The following CDC42BPA variants were observed in gnomAD, a reference collection of about 807,000 sequenced individuals.
CDC42BPA encodes serine/threonine-protein kinase MRCK alpha.
Under a neutral mutation model 223.5 loss-of-function variants are expected in CDC42BPA, and 80 were observed. The ratio of observed to expected loss-of-function variants is 0.36; its 90% CI spans 0.30 to 0.43. The LOEUF (loss-of-function observed/expected upper bound fraction) is 0.43, where lower values mean the gene tolerates loss of function less well. Ranked by LOEUF, CDC42BPA falls within the 20% of genes least tolerant of loss-of-function variation. The probability of loss-of-function intolerance (pLI) is 1.00; values close to 1 mark genes in which losing one functional copy is unlikely to be tolerated. For missense variants in CDC42BPA, 1,743 were observed against 2,099.9 expected (o/e 0.83, Z 3.32); for synonymous variants, 694 against 718.6 (o/e 0.97, Z 0.55).
chr1:227,217,616 A>G lies in CDC42BPA; in HGVS notation c.271-4397T>C, dbSNP rs73094360. Among the ~76,000 whole-genome samples the G allele has an allele frequency of 9.1e-3, 1,385 of 152,066 alleles. 24 individuals carry two copies. Among genetic ancestry groups the G allele is most frequent in the African/African-American group, 0.032 (1,320 of 41,464 alleles). On this transcript the variant is annotated intron_variant, in intron 2 of 36. Coordinates refer to ENST00000366766, the MANE Select transcript of CDC42BPA (RefSeq NM_001394014.1). The stretch of plus-strand genomic sequence containing the variant: ...ACACTCCTCTGCTCCACAGCTTCCA[A>G]TGGTTTCCCATCTGTCTCCAAGTAA...
intron 1 of CDC42BPA, among the ~76,000 whole-genome samples, chr1:227,308,840 C>G (rs1693022691): frequency 6.6e-6 from 1 of 152,026 alleles, no homozygotes; most frequent in Admixed American, 6.5e-5. Context: ...ATGAATAGAC[C>G]AAATTAAACA....
At chr1:227,036,709 GT>G (rs34150971) in intron 24 of CDC42BPA, among the ~76,000 whole-genome samples, 23,476 of 152,116 alleles carry the variant, frequency 0.15, 2,195 homozygotes, top group African/African-American at 0.25. Flanking sequence ...GATTACAGGC[GT>G]TGAGCCACCG....
chr1:227,287,125 T>G (rs1331679526), intron 1 of CDC42BPA, among the ~76,000 whole-genome samples: 1 of 152,222 alleles, frequency 6.6e-6, no homozygotes, highest in Non-Finnish European at 1.5e-5. Context: ...CAATGCTTGC[T>G]GATAAAAGTC....
At chr1:227,116,943 G>A (rs2149420062) in intron 12 of CDC42BPA, among the ~76,000 whole-genome samples, 1 of 152,262 alleles carries the variant, frequency 6.6e-6, no homozygotes, top group Non-Finnish European at 1.5e-5. Flanking sequence ...ATTCCAAAGG[G>A]TTAGAGAAAG....
At chr1:227,000,850 A>T (rs1020333855) in intron 35 of CDC42BPA, among the ~76,000 whole-genome samples, 17 of 151,058 alleles carry the variant, frequency 1.1e-4, no homozygotes, top group African/African-American at 3.6e-4. Flanking sequence ...GGCTGTTTTG[A>T]TTGAACAGCA....
intron 1 of CDC42BPA, among the ~76,000 whole-genome samples, chr1:227,283,767 A>AT (rs1688377098): frequency 2.0e-5 from 3 of 152,154 alleles, no homozygotes; most frequent in Admixed American, 2.0e-4. Flanking sequence ...TTGCATCTAA[A>AT]TTTTTTGTTA....
chr1:227,275,908 A>G (rs1431120913), intron 1 of CDC42BPA, among the ~76,000 whole-genome samples: 1 of 151,992 alleles, frequency 6.6e-6, no homozygotes, highest in Non-Finnish European at 1.5e-5. Flanking sequence ...TCAGTGCTCA[A>G]TGTTGCCCAG....
chr1:227,211,807 T>C (rs1450272413), intron 3 of CDC42BPA, among the ~76,000 whole-genome samples: 2 of 152,088 alleles, frequency 1.3e-5, no homozygotes, highest in African/African-American at 2.4e-5. Flanking sequence ...AAGTTGCCTA[T>C]TGGGTCCAAT....
chr1:227,093,288 C>T (rs1281993140), intron 15 of CDC42BPA, among the ~76,000 whole-genome samples: 2 of 152,304 alleles, frequency 1.3e-5, no homozygotes, highest in African/African-American at 4.8e-5. Context: ...CTCAGTGCAT[C>T]CCATCAGAAG....
chr1:227,042,297 G>GAGATATATAT lies in CDC42BPA; in HGVS notation c.3094-2062_3094-2061insATATATATCT, dbSNP rs922408596. ...TCCCGAATTGCACATATACATATAT[G>GAGATATATAT]ATATATATATATATATATCATACAC... On this transcript the variant is annotated intron_variant, in intron 23 of 36. Coordinates refer to ENST00000366766, the MANE Select transcript of CDC42BPA (RefSeq NM_001394014.1). Among the ~76,000 whole-genome samples, 695 of 147,700 alleles carry GAGATATATAT rather than the reference G, an allele frequency of 4.7e-3. 14 individuals carry two copies. Among genetic ancestry groups the GAGATATATAT allele is most frequent in the African/African-American group, 0.017 (669 of 38,706 alleles).
chr1:227,250,605 T>C (rs1188932032), intron 2 of CDC42BPA, among the ~76,000 whole-genome samples: 1 of 152,134 alleles, frequency 6.6e-6, no homozygotes, highest in Non-Finnish European at 1.5e-5. Flanking sequence ...TATATGTGTG[T>C]ATATTTTTTG....
intron 6 of CDC42BPA, among the ~76,000 whole-genome samples, chr1:227,159,968 T>A (rs1314084027): frequency 4.0e-5 from 6 of 151,778 alleles, no homozygotes; most frequent in Non-Finnish European, 8.8e-5. Flanking sequence ...CTCAGACTCC[T>A]CAGTAGCTGG....
In CDC42BPA at chr1:227,249,783, A is replaced by G. The variant is rs144000425; in HGVS notation, c.270+4281T>C. Among the ~76,000 whole-genome samples, 686 of 152,348 alleles carry G rather than the reference A, an allele frequency of 4.5e-3. 5 individuals carry two copies. The highest frequency in any genetic ancestry group is 0.016 in the African/African-American group (661 of 41,586). On this transcript the variant is annotated intron_variant, in intron 2 of 36. Coordinates refer to ENST00000366766, the MANE Select transcript of CDC42BPA (RefSeq NM_001394014.1). The stretch of plus-strand genomic sequence containing the variant: ...ACCCCAGTTAAAATGACTTTTATCC[A>G]TAAGGCAGGCAATAACAAATGCTGG...
In CDC42BPA at chr1:227,139,800, CGTT is replaced by C. The variant is rs767715217; in HGVS notation, c.1224-61_1224-59del. ...CTGTGATAAAAAGCTTGAAGAAAAA[CGTT>C]AACATTTTTTAAAAATTGTTTTTAA... On this transcript the variant is annotated intron_variant, in intron 9 of 36. Coordinates refer to ENST00000366766, the MANE Select transcript of CDC42BPA (RefSeq NM_001394014.1). 761 of 1,143,234 alleles carry C rather than the reference CGTT, an allele frequency of 6.7e-4. 1 individual carries two copies. Among genetic ancestry groups the C allele is most frequent in the Admixed American group, 1.1e-3 (36 of 34,126 alleles). 70.8% of individuals were successfully genotyped at this position (1,143,234 alleles called of 1,614,324 possible). A position where few individuals can be genotyped will look rare whatever the true frequency, so the allele number is the denominator to read the frequency against.
chr1:227,263,464 T>C (rs1684444233), intron 1 of CDC42BPA, among the ~76,000 whole-genome samples: 1 of 152,168 alleles, frequency 6.6e-6, no homozygotes, highest in African/African-American at 2.4e-5. Flanking sequence ...GTGGTCATGA[T>C]CAGGGAAAAT....
intron 5 of CDC42BPA, among the ~76,000 whole-genome samples, chr1:227,171,500 C>T (rs1022297215): frequency 2.0e-5 from 3 of 152,012 alleles, no homozygotes; most frequent in Admixed American, 6.6e-5. Context: ...GCTAGTGGTC[C>T]CAGCTACCCA....
At chr1:227,148,550 C>CT (rs1049434535) in intron 6 of CDC42BPA, among the ~76,000 whole-genome samples, 36 of 151,758 alleles carry the variant, frequency 2.4e-4, no homozygotes, top group African/African-American at 8.0e-4. Context: ...ATTACAAACT[C>CT]TTAAAATGCT....
chr1:227,005,253 A>G, intron 34 of CDC42BPA, 142 bp from the exon 35 acceptor site: 1 of 642,766 alleles, frequency 1.6e-6, no homozygotes, highest in Non-Finnish European at 2.8e-6. Flanking sequence ...CAGATTATAT[A>G]GTCTTTCCCA....
At chr1:227,225,647 A>T (rs2147913476) in intron 2 of CDC42BPA, among the ~76,000 whole-genome samples, 1 of 152,348 alleles carries the variant, frequency 6.6e-6, no homozygotes, top group South Asian at 2.1e-4. Flanking sequence ...TCATAAACTC[A>T]TTCATCTCCT....
Sources: allele counts gnomAD v4.1 joint callset (sites outside exome capture counted in the v4.1 genomes callset), GRCh38; gene constraint gnomAD v4.1.1; transcripts MANE v1.5; gene names NCBI Gene and HGNC (gene_info 2026-07-23, HGNC 2026-07-21).